The following PDSS2 variants were observed in gnomAD, a reference collection of about 807,000 sequenced individuals.
PDSS2 encodes decaprenyl diphosphate synthase subunit 2, also known as all trans-polyprenyl-diphosphate synthase PDSS2.
In PDSS2, 31 loss-of-function variants were observed where a neutral mutation model predicts 44.5. The observed-to-expected ratio is 0.70, with a 90% CI of 0.52 to 0.94. The LOEUF is 0.94. Ranked by LOEUF, PDSS2 falls within the 40% of genes least tolerant of loss-of-function variation. PDSS2 has a pLI of 0.00. For synonymous variants in PDSS2, 157 were observed against 180.3 expected, an observed-to-expected ratio of 0.87 and a Z score of 1.03; for missense variants, 452 against 482.2, an observed-to-expected ratio of 0.94 and a Z score of 0.59.
chr6:107,394,369 C>T (rs1048434074), intron 1 of PDSS2, among the ~76,000 whole-genome samples: 1 of 152,164 alleles, frequency 6.6e-6, no homozygotes, highest in Non-Finnish European at 1.5e-5. Context: ...CTGGAGAAGG[C>T]TCTGGAAGCT....
chr6:107,258,735 G>T (rs778370262), intron 3 of PDSS2, among the ~76,000 whole-genome samples: 13 of 152,218 alleles, frequency 8.5e-5, no homozygotes, highest in Middle Eastern at 3.4e-3. Context: ...CCTTGGAGGC[G>T]GAGGTTGCAG....
intron 2 of PDSS2, among the ~76,000 whole-genome samples, chr6:107,317,710 C>T (rs2115152213): frequency 6.6e-6 from 1 of 152,262 alleles, no homozygotes; most frequent in East Asian, 1.9e-4. Context: ...TAATTTATAA[C>T]AATAACATGC....
chr6:107,211,559 G>A (rs1402558758), intron 5 of PDSS2, among the ~76,000 whole-genome samples: 2 of 151,266 alleles, frequency 1.3e-5, no homozygotes, highest in African/African-American at 4.9e-5. Flanking sequence ...GTGAAACCTC[G>A]TCTCTACTAA....
chr6:107,280,597 C>T (rs1775928405), intron 2 of PDSS2, among the ~76,000 whole-genome samples: 1 of 152,136 alleles, frequency 6.6e-6, no homozygotes, highest in Non-Finnish European at 1.5e-5. Context: ...ATCAGGGTGG[C>T]AGACATTGCT....
At chr6:107,354,972 A>G (rs756652966) in intron 1 of PDSS2, among the ~76,000 whole-genome samples, 26 of 151,852 alleles carry the variant, frequency 1.7e-4, no homozygotes, top group Non-Finnish European at 3.2e-4. Flanking sequence ...CTCTGTCACC[A>G]GGCTGGATGG....
intron 1 of PDSS2, among the ~76,000 whole-genome samples, chr6:107,430,722 T>C (rs1178359579): frequency 1.3e-5 from 2 of 151,438 alleles, no homozygotes; most frequent in African/African-American, 4.9e-5. Flanking sequence ...GGTTGGAGAA[T>C]TGCTTGAACC....
Position 107,304,117 on chromosome 6 carries a change from A to T in PDSS2, c.432-29890T>A, listed in dbSNP as rs1582916419. On this transcript the variant is annotated intron_variant, in intron 2 of 7. Coordinates refer to ENST00000369037, the MANE Select transcript of PDSS2 (RefSeq NM_020381.4). ...TGATAATGATTCCCTTTTTTCTTGAAATGCTTCCTCTCCCTTCCCCACTGA... is the reference window on the plus strand; with the variant it reads ...TGATAATGATTCCCTTTTTTCTTGATATGCTTCCTCTCCCTTCCCCACTGA... 2.0e-5 allele frequency among the ~76,000 whole-genome samples: 3 copies of T among 152,240 alleles called. No homozygotes were observed. In the South Asian group the frequency reaches 6.2e-4, roughly 32 times the overall value.
chr6:107,368,235 C>A (rs1430343726), intron 1 of PDSS2, among the ~76,000 whole-genome samples: 1 of 149,756 alleles, frequency 6.7e-6, no homozygotes, highest in Non-Finnish European at 1.5e-5. Flanking sequence ...GGACACTGCA[C>A]TCCAGCCTGG....
At chr6:107,299,179 A>T (rs1776615553) in intron 2 of PDSS2, among the ~76,000 whole-genome samples, 1 of 150,208 alleles carries the variant, frequency 6.7e-6, no homozygotes, top group African/African-American at 2.4e-5. Flanking sequence ...AGAAACAAAC[A>T]TATACCAAAT....
chr6:107,275,602 G>A lies in PDSS2; in HGVS notation c.432-1375C>T, dbSNP rs542761657. Reference sequence around the variant, plus strand: ...TGACCCCAAGCAGAAGAACACTCACGTCAATCCACAGAATGGTAAGTTGTT... The same window carrying A: ...TGACCCCAAGCAGAAGAACACTCACATCAATCCACAGAATGGTAAGTTGTT... On this transcript the variant is annotated intron_variant, in intron 2 of 7. Transcript: ENST00000369037. Among the ~76,000 whole-genome samples the A allele has an allele frequency of 7.9e-5, 12 of 152,234 alleles. No homozygotes were observed. The South Asian group carries it at 1.2e-3, about 16-fold the overall frequency.
Position 107,222,177 on chromosome 6 carries a change from T to A in PDSS2, c.703-9895A>T, listed in dbSNP as rs961487530. On this transcript the variant is annotated intron_variant, in intron 4 of 7. Coordinates refer to ENST00000369037, the MANE Select transcript of PDSS2 (RefSeq NM_020381.4). ...TGGACAGCCAAAAATTTACATACCT[T>A]ATTATTTTTTTTAAAAAAGGTCAAG... 9.2e-5 allele frequency among the ~76,000 whole-genome samples: 14 copies of A among 152,154 alleles called. No homozygotes were observed. In the East Asian group the frequency reaches 1.2e-3, roughly 13 times the overall value.
intron 1 of PDSS2, among the ~76,000 whole-genome samples, chr6:107,394,784 C>T (rs1405021889): frequency 6.6e-6 from 1 of 152,152 alleles, no homozygotes; most frequent in Non-Finnish European, 1.5e-5. Context: ...TGTTATATGT[C>T]CCACAATATA....
At chr6:107,173,210 G>C (rs1554249050) in intron 7 of PDSS2, among the ~76,000 whole-genome samples, 2 of 151,900 alleles carry the variant, frequency 1.3e-5, no homozygotes, top group African/African-American at 4.8e-5. Flanking sequence ...ACAGGTCACA[G>C]TATGGTAAGA....
At chr6:107,439,957 T>G (rs149053897) in intron 1 of PDSS2, among the ~76,000 whole-genome samples, 12 of 152,208 alleles carry the variant, frequency 7.9e-5, no homozygotes, top group African/African-American at 2.9e-4. Flanking sequence ...ACAAGGTGAC[T>G]GTTACTGAAA....
intron 3 of PDSS2, among the ~76,000 whole-genome samples, chr6:107,259,508 CA>C (rs965494812): frequency 6.0e-5 from 9 of 149,090 alleles, no homozygotes; most frequent in African/African-American, 9.9e-5. Context: ...ACTAAAAATA[CA>C]AAAAAAAAGG....
chr6:107,338,071 G>A (rs994900070), intron 1 of PDSS2, among the ~76,000 whole-genome samples: 17 of 151,854 alleles, frequency 1.1e-4, no homozygotes, highest in Non-Finnish European at 1.8e-4. Context: ...AATTCACTTC[G>A]TTAACACTCT....
At chr6:107,331,887 CA>C (rs1777722368) in intron 2 of PDSS2, among the ~76,000 whole-genome samples, 1 of 151,758 alleles carries the variant, frequency 6.6e-6, no homozygotes, top group African/African-American at 2.4e-5. Flanking sequence ...TCCAAATATA[CA>C]AGCAGATGAC....
At chr6:107,428,886 TCA>T (rs1257310501) in intron 1 of PDSS2, among the ~76,000 whole-genome samples, 3 of 152,158 alleles carry the variant, frequency 2.0e-5, no homozygotes, top group African/African-American at 7.2e-5. Context: ...TTCAAAAAGT[TCA>T]CAGTCATGGG....
intron 1 of PDSS2, among the ~76,000 whole-genome samples, chr6:107,405,730 C>A (rs1367630820): frequency 6.6e-6 from 1 of 151,184 alleles, no homozygotes; most frequent in Non-Finnish European, 1.5e-5. Context: ...GCCTGTAGTC[C>A]CAGCTACTTG....
Sources: gnomAD v4.1 joint callset for allele counts (sites outside exome capture counted in the v4.1 genomes callset) on GRCh38, gnomAD v4.1.1 for gene constraint, MANE v1.5 for transcripts, NCBI Gene and HGNC (gene_info 2026-07-23, HGNC 2026-07-21) for gene names.